Variants in CCDC149 observed in about 807,000 individuals in gnomAD.
CCDC149 encodes coiled-coil domain containing 149.
Under a neutral mutation model 59.9 loss-of-function variants are expected in CCDC149, and 45 were observed. That is an observed-to-expected ratio of 0.75 (90% CI 0.59 to 0.96). CCDC149 has a LOEUF of 0.96. CCDC149 is among the 40% of genes least tolerant of loss of function. CCDC149 has a pLI of 0.00. For synonymous variants in CCDC149, 245 were observed against 260.6 expected (o/e 0.94, Z 0.58); for missense variants, 584 against 664.7 (o/e 0.88, Z 1.33).
At chr4:24,933,781 T>C (rs1722660723) in intron 1 of CCDC149, among the ~76,000 whole-genome samples, 1 of 152,202 alleles carries the variant, frequency 6.6e-6, no homozygotes, top group Admixed American at 6.5e-5. Context: ...TCAATTGCCA[T>C]GTAACAAACT....
intron 4 of CCDC149, among the ~76,000 whole-genome samples, chr4:24,841,627 C>T (rs180987425): frequency 5.3e-5 from 8 of 152,318 alleles, no homozygotes; most frequent in Admixed American, 4.6e-4. Context: ...GAGGAGATGG[C>T]AGAGCCCCAG....
intron 1 of CCDC149, among the ~76,000 whole-genome samples, chr4:24,928,925 C>G (rs1440758734): frequency 6.6e-6 from 1 of 152,132 alleles, no homozygotes; most frequent in Non-Finnish European, 1.5e-5. Context: ...CATTTATGGT[C>G]AACTGAAATG....
intron 1 of CCDC149, among the ~76,000 whole-genome samples, chr4:24,939,751 C>G (rs1268284380): frequency 2.0e-5 from 3 of 152,098 alleles, no homozygotes; most frequent in Admixed American, 6.6e-5. Context: ...GACGAACGCA[C>G]AAGCCTCAGT....
rs1221623356 is a variant in CCDC149, at chr4:24,834,944, C to T, written c.820+4G>A. On this transcript the variant is annotated splice_donor_region_variant and intron_variant, in intron 8 of 12. Transcript: ENST00000635206. Reference sequence around the variant, plus strand: ...GCGGTCTCTCCTGGAGCATGATATCCTACCTTGCTTTGCAGACAGGACTCC... The same window carrying T: ...GCGGTCTCTCCTGGAGCATGATATCTTACCTTGCTTTGCAGACAGGACTCC... The T allele has an allele frequency of 1.2e-6, 2 of 1,608,914 alleles. No individual in the cohort carries two copies. Among genetic ancestry groups the T allele is most frequent in the South Asian group, 1.1e-5 (1 of 90,930 alleles).
At chr4:24,827,177 C>A (rs800456) in intron 9 of CCDC149, 1 of 152,110 alleles carries the variant, frequency 6.6e-6, no homozygotes, top group African/African-American at 2.4e-5. Flanking sequence ...ACTGCACTAC[C>A]GTGCTCGCTC....
At chr4:24,850,959 T>TA (rs1717618791) in intron 4 of CCDC149, among the ~76,000 whole-genome samples, 1 of 151,924 alleles carries the variant, frequency 6.6e-6, no homozygotes, top group Non-Finnish European at 1.5e-5. Context: ...TTACTGCAGT[T>TA]AGACTTTTTT....
chr4:24,855,707 C>T (rs1717962794), intron 3 of CCDC149, among the ~76,000 whole-genome samples: 1 of 152,194 alleles, frequency 6.6e-6, no homozygotes, highest in Non-Finnish European at 1.5e-5. Flanking sequence ...TTTCAGCCCC[C>T]TATTTGCAAA....
chr4:24,825,478 G>C (rs1274998724), intron 9 of CCDC149, among the ~76,000 whole-genome samples: 1 of 152,124 alleles, frequency 6.6e-6, no homozygotes, highest in Admixed American at 6.5e-5. Flanking sequence ...CAAAAACACA[G>C]GCTTGAAAAT....
chr4:24,813,490 A>ATATATCTATATCTATATCTATC (rs1491293785), intron 12 of CCDC149, among the ~76,000 whole-genome samples: 92 of 1,934 alleles, frequency 0.048, 2 homozygotes, highest in Admixed American at 0.087. Flanking sequence ...AGCTTGGGGA[A>ATATATCTATATCTATATCTATC]TATATATATA....
intron 1 of CCDC149, among the ~76,000 whole-genome samples, chr4:24,960,871 T>C (rs188738052): frequency 6.6e-6 from 1 of 152,326 alleles, no homozygotes; most frequent in East Asian, 1.9e-4. Context: ...AGAGATGTAA[T>C]AGGTTTGAAC....
At chr4:24,942,267 A>G (rs1303594770) in intron 1 of CCDC149, among the ~76,000 whole-genome samples, 1 of 152,234 alleles carries the variant, frequency 6.6e-6, no homozygotes, top group Non-Finnish European at 1.5e-5. Context: ...AACATAATCC[A>G]GCATATAAAC....
intron 1 of CCDC149, among the ~76,000 whole-genome samples, chr4:24,945,585 T>C (rs1434028675): frequency 1.3e-5 from 2 of 151,900 alleles, no homozygotes; most frequent in Non-Finnish European, 1.5e-5. Context: ...TCTGTTGTTT[T>C]AAGCCACTCT....
chr4:24,823,289 T>C (rs1715527767), intron 9 of CCDC149, among the ~76,000 whole-genome samples: 1 of 152,220 alleles, frequency 6.6e-6, no homozygotes, highest in Non-Finnish European at 1.5e-5. Flanking sequence ...CACTAAGATA[T>C]ACAAGTTCTA....
At chr4:24,893,166 T>C (rs1323690159) in intron 1 of CCDC149, among the ~76,000 whole-genome samples, 1 of 152,192 alleles carries the variant, frequency 6.6e-6, no homozygotes, top group Non-Finnish European at 1.5e-5. Context: ...GGTTCACTCT[T>C]GCCTATGTCT....
At chr4:24,917,789 CTTATTGATAATGTATT>C (rs1722172925), upstream of CCDC149, among the ~76,000 whole-genome samples, 1 of 152,104 alleles carries the variant, frequency 6.6e-6, no homozygotes, top group Non-Finnish European at 1.5e-5. Flanking sequence ...ATTTGTTGTA[CTTATTGATAATGTATT>C]TCATTTCTTC....
chr4:24,833,449 C>A (rs776524640), intron 8 of CCDC149, among the ~76,000 whole-genome samples: 3 of 152,014 alleles, frequency 2.0e-5, no homozygotes, highest in Non-Finnish European at 4.4e-5. Context: ...CACAGTGGAA[C>A]CCCGTCTCTA....
At chr4:24,958,167 G>A (rs1304412262) in intron 1 of CCDC149, among the ~76,000 whole-genome samples, 2 of 152,196 alleles carry the variant, frequency 1.3e-5, no homozygotes, top group African/African-American at 2.4e-5. Context: ...ACCTACTAAT[G>A]CTGCTGATAT....
chr4:24,937,705 G>C (rs373955310), intron 1 of CCDC149, among the ~76,000 whole-genome samples: 84 of 152,258 alleles, frequency 5.5e-4, no homozygotes, highest in African/African-American at 1.8e-3. Context: ...TTAATGCTCT[G>C]GCTTGTAAGT....
intron 1 of CCDC149, among the ~76,000 whole-genome samples, chr4:24,932,690 C>G (rs777104015): frequency 6.6e-6 from 1 of 152,060 alleles, no homozygotes; most frequent in Non-Finnish European, 1.5e-5. Flanking sequence ...CTTCTACAGA[C>G]TAAATTTAGA....
Sources: allele counts gnomAD v4.1 joint callset (sites outside exome capture counted in the v4.1 genomes callset), GRCh38; gene constraint gnomAD v4.1.1; transcripts MANE v1.5; gene names NCBI Gene and HGNC (gene_info 2026-07-23, HGNC 2026-07-21).